RNF150: variants seen among roughly 807,000 people sequenced by gnomAD.
RNF150 encodes ring finger protein 150.
In RNF150, 24 loss-of-function variants were observed where a neutral mutation model predicts 39.3. That is an observed-to-expected ratio of 0.61 (90% CI 0.44 to 0.86). The LOEUF is 0.86. RNF150 is among the 40% of genes least tolerant of loss of function. The pLI is 0.00. For missense variants in RNF150, 502 were observed against 587.8 expected (o/e 0.85, Z 1.51); for synonymous variants, 255 against 227.3 (o/e 1.12, Z -1.10).
At chr4:140,920,355 AC>A (rs925088868) in intron 5 of RNF150, among the ~76,000 whole-genome samples, 6 of 102,852 alleles carry the variant, frequency 5.8e-5, no homozygotes, top group East Asian at 1.9e-3. Context: ...AAAACAAACA[AC>A]CCCATCAAAA....
At chr4:140,996,049 G>A (rs1159121613) in intron 1 of RNF150, among the ~76,000 whole-genome samples, 1 of 152,002 alleles carries the variant, frequency 6.6e-6, no homozygotes, top group East Asian at 1.9e-4. Flanking sequence ...TTGAGGACCC[G>A]CCATACAGTT....
intron 1 of RNF150, among the ~76,000 whole-genome samples, chr4:141,129,944 AG>A (rs1305818016): frequency 1.3e-5 from 2 of 152,234 alleles, no homozygotes; most frequent in Non-Finnish European, 2.9e-5. Flanking sequence ...ATATATCATC[AG>A]CTTTTGCAGT....
chr4:141,016,119 C>CTTTA (rs1415116447), intron 1 of RNF150, among the ~76,000 whole-genome samples: 2 of 152,134 alleles, frequency 1.3e-5, no homozygotes, highest in African/African-American at 2.4e-5. Context: ...CTTCTTATCC[C>CTTTA]TTTAGTCCAT....
intron 1 of RNF150, among the ~76,000 whole-genome samples, chr4:140,992,668 C>A (rs1734236827): frequency 6.6e-6 from 1 of 152,130 alleles, no homozygotes; most frequent in African/African-American, 2.4e-5. Flanking sequence ...CTGGCCCTCC[C>A]TGATGGGTAA....
At chr4:141,155,920 A>G (rs1727387433) in intron 1 of RNF150, among the ~76,000 whole-genome samples, 1 of 110,732 alleles carries the variant, frequency 9.0e-6, no homozygotes, top group African/African-American at 3.5e-5. Context: ...CTCTTAGGAA[A>G]GAAAAGTCTG....
At chr4:141,120,889 C>T (rs1726584285) in intron 1 of RNF150, among the ~76,000 whole-genome samples, 1 of 152,130 alleles carries the variant, frequency 6.6e-6, no homozygotes. Flanking sequence ...AAAGTTCATT[C>T]TGTTTGCTGT....
chr4:141,027,952 TCA>T (rs1735785993), intron 1 of RNF150, among the ~76,000 whole-genome samples: 5 of 71,618 alleles, frequency 7.0e-5, no homozygotes, highest in Admixed American at 2.0e-4. Context: ...TTTTTTTTTT[TCA>T]ATCCTGCTGG....
At chr4:141,180,151 A>G (rs1727881399) in intron 1 of RNF150, among the ~76,000 whole-genome samples, 1 of 152,184 alleles carries the variant, frequency 6.6e-6, no homozygotes, top group South Asian at 2.1e-4. Context: ...ATGTTTATTC[A>G]GTGGCTCACA....
chr4:141,150,898 T>C (rs1431162050), intron 1 of RNF150, among the ~76,000 whole-genome samples: 2 of 152,188 alleles, frequency 1.3e-5, no homozygotes, highest in Non-Finnish European at 2.9e-5. Flanking sequence ...AATAATTTTT[T>C]GTATCATTTG....
intron 1 of RNF150, among the ~76,000 whole-genome samples, chr4:141,187,328 T>C (rs549080430): frequency 2.0e-4 from 31 of 152,338 alleles, no homozygotes; most frequent in African/African-American, 7.2e-4. Context: ...GTATATTCTG[T>C]TGATTTGGGG....
chr4:141,011,101 C>G (rs1249258447), intron 1 of RNF150, among the ~76,000 whole-genome samples: 1 of 151,970 alleles, frequency 6.6e-6, no homozygotes, highest in Non-Finnish European at 1.5e-5. Context: ...TCGTATTACT[C>G]TCTTCTCAAT....
At chr4:140,992,302 GGAGGCTGCTGT>G (rs1734221224) in intron 1 of RNF150, among the ~76,000 whole-genome samples, 1 of 152,044 alleles carries the variant, frequency 6.6e-6, no homozygotes, top group South Asian at 2.1e-4. Context: ...TCCAGAAGTT[GGAGGCTGCTGT>G]GAGCCATGAT....
chr4:141,001,163 T>C (rs73858699), intron 1 of RNF150, among the ~76,000 whole-genome samples: 11,414 of 152,234 alleles, frequency 0.075, 473 homozygotes, highest in Middle Eastern at 0.16. Flanking sequence ...TTCTCATTTA[T>C]GCCTATCGTT....
At chr4:141,022,430 T>A (rs1735531437) in intron 1 of RNF150, among the ~76,000 whole-genome samples, 1 of 152,160 alleles carries the variant, frequency 6.6e-6, no homozygotes, top group Non-Finnish European at 1.5e-5. Flanking sequence ...AATGTCACAT[T>A]ATTGGCTTAA....
chr4:140,893,275 C>T (rs114260281), intron 6 of RNF150, among the ~76,000 whole-genome samples: 91 of 152,264 alleles, frequency 6.0e-4, no homozygotes, highest in African/African-American at 2.2e-3. Context: ...TTTTGCAAGA[C>T]TGCATCTCTA....
At chr4:141,133,891 T>G (rs917404120), upstream of RNF150, among the ~76,000 whole-genome samples, 1 of 152,218 alleles carries the variant, frequency 6.6e-6, no homozygotes, top group South Asian at 2.1e-4. Flanking sequence ...GACCGATGGG[T>G]CCTGCCACAA....
At chr4:140,884,544 G>A (rs1410364164) in intron 6 of RNF150, among the ~76,000 whole-genome samples, 2 of 152,150 alleles carry the variant, frequency 1.3e-5, no homozygotes, top group East Asian at 1.9e-4. Flanking sequence ...TAATTGCAGA[G>A]GTTTGCCAGT....
chr4:140,986,781 G>A (rs1734030285), intron 1 of RNF150, among the ~76,000 whole-genome samples: 1 of 151,974 alleles, frequency 6.6e-6, no homozygotes, highest in Non-Finnish European at 1.5e-5. Flanking sequence ...CCTAGTCACA[G>A]TAATCAGGCA....
chr4:141,197,588 A>T (rs1484547975), intron 1 of RNF150, among the ~76,000 whole-genome samples: 1 of 152,206 alleles, frequency 6.6e-6, no homozygotes, highest in Non-Finnish European at 1.5e-5. Flanking sequence ...AATACTTAGA[A>T]ATGACCTTGG....
Sources: allele counts gnomAD v4.1 joint callset (sites outside exome capture counted in the v4.1 genomes callset), GRCh38; gene constraint gnomAD v4.1.1; transcripts MANE v1.5; gene names NCBI Gene and HGNC (gene_info 2026-07-23, HGNC 2026-07-21).